CACNA1C: variants seen among roughly 807,000 people sequenced by gnomAD.
The protein encoded by CACNA1C is calcium voltage-gated channel subunit alpha1 C.
CACNA1C carries 30 observed loss-of-function variants against 229.0 expected under a neutral mutation model. That is an observed-to-expected ratio of 0.13 (90% CI 0.10 to 0.18). The LOEUF is 0.18. CACNA1C is among the 10% of genes least tolerant of loss of function. CACNA1C has a pLI of 1.00. For missense variants in CACNA1C, 1,658 were observed against 2,845.0 expected (o/e 0.58, Z 9.49); for synonymous variants, 1,114 against 1,132.5 (o/e 0.98, Z 0.33).
Position 2,053,445 on chromosome 12 carries a change from C to A in CACNA1C, c.-118C>A. ...GAAACGCTGCAGACCACGGCTTCCT[C>A]GAATCTTGCGCGAAAGCCGCCGGCC... On this transcript the variant is annotated 5_prime_UTR_variant, in exon 1 of 47. Coordinates refer to ENST00000399655, the MANE Select transcript of CACNA1C (RefSeq NM_000719.7). The surrounding 1 kb of genome is among the most constrained non-coding windows in gnomAD (Gnocchi z 5.8). The A allele has an allele frequency of 6.8e-7, 1 of 1,471,360 alleles. No individual in the cohort carries two copies. The allele number at this position is 1,471,360 out of a possible 1,614,324, so 91.1% of individuals were successfully genotyped here.
intron 1 of CACNA1C, among the ~76,000 whole-genome samples, chr12:1,974,444 C>T (rs1026511501): frequency 1.3e-5 from 2 of 152,092 alleles, no homozygotes; most frequent in Non-Finnish European, 2.9e-5. Flanking sequence ...CTGTATATTT[C>T]GATTGATCCA....
At position 2,504,404 on chromosome 12, in the gene CACNA1C, T is replaced by G. The variant is rs148469662; in HGVS notation, c.1114-438T>G. On this transcript the variant is annotated intron_variant, in intron 7 of 46. Transcript: ENST00000399655. This position sits in a 1 kb window ranked among gnomAD's most constrained non-coding sequence, Gnocchi z 6.8. ...CTCTTTGCTGTAACCCAATTCTGCTTCTTCTTTCCTAACTTTCCTTCGTCT... is the reference window on the plus strand; with the variant it reads ...CTCTTTGCTGTAACCCAATTCTGCTGCTTCTTTCCTAACTTTCCTTCGTCT... 1.6e-3 allele frequency: 2,082 copies of G among 1,318,120 alleles called. 31 individuals are homozygous for G. The African/African-American group carries it at 0.026, about 17-fold the overall frequency. The allele number at this position is 1,318,120 out of a possible 1,614,324, so 81.7% of individuals were successfully genotyped here. A position where few individuals can be genotyped will look rare whatever the true frequency, so the allele number is the denominator to read the frequency against.
intron 3 of CACNA1C, among the ~76,000 whole-genome samples, chr12:2,358,835 T>TC (rs1317559801): frequency 1.3e-5 from 2 of 152,122 alleles, no homozygotes; most frequent in East Asian, 3.9e-4. Flanking sequence ...GGAGGTGCAG[T>TC]CAGTGTTCTT....
chr12:2,619,049 T>C (rs1352243921), intron 29 of CACNA1C, among the ~76,000 whole-genome samples: 1 of 152,208 alleles, frequency 6.6e-6, no homozygotes, highest in Non-Finnish European at 1.5e-5. Flanking sequence ...GCTTTATGTC[T>C]TCGCTTCATC....
chr12:2,231,031 A>G (rs1599925887), intron 3 of CACNA1C, among the ~76,000 whole-genome samples: 1 of 152,228 alleles, frequency 6.6e-6, no homozygotes, highest in East Asian at 1.9e-4. Context: ...TGGAAATAAC[A>G]TATACAGATA....
At chr12:2,435,758 G>A (rs756471100) in intron 3 of CACNA1C, among the ~76,000 whole-genome samples, 5 of 152,298 alleles carry the variant, frequency 3.3e-5, no homozygotes, top group East Asian at 1.9e-4. Context: ...TCTAGTGCCC[G>A]GCACTATACA....
chr12:1,973,270 G>A (rs1321531483), intron 1 of CACNA1C, among the ~76,000 whole-genome samples: 1 of 152,146 alleles, frequency 6.6e-6, no homozygotes, highest in Non-Finnish European at 1.5e-5. Context: ...GAGAATAATG[G>A]AAGGTTCAAA....
At chr12:2,387,622 A>G (rs771901601) in intron 3 of CACNA1C, among the ~76,000 whole-genome samples, 2 of 152,232 alleles carry the variant, frequency 1.3e-5, no homozygotes, top group Non-Finnish European at 2.9e-5. Context: ...ATCCAGGGTT[A>G]GCTCCTAGTC....
intron 45 of CACNA1C, among the ~76,000 whole-genome samples, chr12:2,687,914 C>T (rs1357504879): frequency 6.6e-6 from 1 of 152,236 alleles, no homozygotes; most frequent in Non-Finnish European, 1.5e-5. Context: ...ACTGGCAGGG[C>T]ATTATGAATG....
At chr12:2,106,918 A>G (rs1199740161) in intron 1 of CACNA1C, among the ~76,000 whole-genome samples, 2 of 57,026 alleles carry the variant, frequency 3.5e-5, no homozygotes, top group African/African-American at 1.1e-4. Flanking sequence ...CACCCCGGGG[A>G]GGGTTTCCAC....
intron 9 of CACNA1C, among the ~76,000 whole-genome samples, chr12:2,531,916 C>G (rs1410313401): frequency 3.3e-5 from 5 of 152,194 alleles, no homozygotes; most frequent in Admixed American, 6.5e-5. Flanking sequence ...CTTACACACT[C>G]TCCGTGTAGG....
chr12:2,439,907 G>T (rs1261866114), intron 3 of CACNA1C, among the ~76,000 whole-genome samples: 1 of 152,024 alleles, frequency 6.6e-6, no homozygotes, highest in Non-Finnish European at 1.5e-5. Flanking sequence ...AGCCCAGACC[G>T]TTCGGAGCAG....
chr12:2,167,111 A>T (rs945987214), intron 3 of CACNA1C, among the ~76,000 whole-genome samples: 2 of 152,252 alleles, frequency 1.3e-5, no homozygotes, highest in African/African-American at 4.8e-5. Flanking sequence ...GATTGATGTT[A>T]TAGATAAAAA....
chr12:2,116,687 T>A (rs946885279), intron 2 of CACNA1C, among the ~76,000 whole-genome samples: 5 of 152,086 alleles, frequency 3.3e-5, no homozygotes, highest in African/African-American at 1.2e-4. Context: ...GACCTTTAAG[T>A]GCTGAAGTTC....
intron 3 of CACNA1C, among the ~76,000 whole-genome samples, chr12:2,420,167 A>T (rs1182836623): frequency 1.9e-4 from 26 of 138,080 alleles, no homozygotes; most frequent in Admixed American, 1.8e-3. Flanking sequence ...GGAGCATTCA[A>T]CAGGGAGAGA....
intron 3 of CACNA1C, among the ~76,000 whole-genome samples, chr12:2,222,793 C>T (rs1287197863): frequency 6.6e-6 from 1 of 152,184 alleles, no homozygotes; most frequent in African/African-American, 2.4e-5. Context: ...TTCTCATTCA[C>T]TGGAAAACTG....
At position 2,033,285 on chromosome 12, in the gene CACNA1C, C is replaced by T. The variant is rs567773912; in HGVS notation, c.139+62084C>T. Among the ~76,000 whole-genome samples the T allele has an allele frequency of 8.5e-5, 13 of 152,262 alleles. No homozygotes were observed. In the East Asian group the frequency reaches 2.3e-3, roughly 27 times the overall value. On this transcript the variant is annotated intron_variant, in intron 1 of 46. Transcript: ENST00000682462. ...CTGACACAGATGCCCCCATGATGCC[C>T]GCCCTCTGCAGGCTCAAGTCCGCCC...
chr12:2,252,359 G>A (rs186838398), intron 3 of CACNA1C, among the ~76,000 whole-genome samples: 2 of 152,332 alleles, frequency 1.3e-5, no homozygotes, highest in East Asian at 3.9e-4. Context: ...TCTGGCCACA[G>A]TCAAAGGCTT....
At chr12:2,326,420 A>G (rs2096294999) in intron 3 of CACNA1C, among the ~76,000 whole-genome samples, 1 of 152,188 alleles carries the variant, frequency 6.6e-6, no homozygotes. Flanking sequence ...AGCAATTTGG[A>G]TGTAGATATT....
Sources: gnomAD v4.1 joint callset for allele counts (sites outside exome capture counted in the v4.1 genomes callset) on GRCh38, gnomAD v4.1.1 for gene constraint, Gnocchi (gnomAD v3.1) non-coding constraint, MANE v1.5 for transcripts, NCBI Gene and HGNC (gene_info 2026-07-23, HGNC 2026-07-21) for gene names.